The following TRIM44 variants were observed in gnomAD, a reference collection of about 807,000 sequenced individuals.
The protein encoded by TRIM44 is tripartite motif containing 44, also known as tripartite motif-containing protein 44.
TRIM44 carries 13 observed loss-of-function variants against 37.4 expected under a neutral mutation model. That is an observed-to-expected ratio of 0.35 (90% CI 0.23 to 0.55). The LOEUF is 0.55. TRIM44 is among the 20% of genes least tolerant of loss of function. The pLI is 0.89. For missense variants in TRIM44, 426 were observed against 437.2 expected (o/e 0.97, Z 0.23); for synonymous variants, 175 against 157.2 (o/e 1.11, Z -0.85).
chr11:35,666,518 C>T (rs957635252), intron 1 of TRIM44, among the ~76,000 whole-genome samples: 3 of 152,070 alleles, frequency 2.0e-5, no homozygotes, highest in African/African-American at 4.8e-5. Context: ...TTTATTGCTT[C>T]GCAGTTAAGT....
Position 35,771,868 on chromosome 11 carries a change from T to A in TRIM44, c.1008-34490T>A, listed in dbSNP as rs956391876. Among the ~76,000 whole-genome samples, 9 of 152,212 alleles carry A rather than the reference T, an allele frequency of 5.9e-5. 1 individual carries two copies. Among genetic ancestry groups the A allele is most frequent in the African/African-American group, 2.2e-4 (9 of 41,540 alleles). On this transcript the variant is annotated intron_variant, in intron 4 of 4. Transcript: ENST00000299413. The stretch of plus-strand genomic sequence containing the variant: ...TTCAAGCCGTCTGCATAAATTTGCA[T>A]AAGGGGAGCCGAATGTTAATCCCCA...
chr11:35,781,893 G>C (rs1248932408), intron 4 of TRIM44, among the ~76,000 whole-genome samples: 2 of 152,192 alleles, frequency 1.3e-5, no homozygotes, highest in African/African-American at 4.8e-5. Flanking sequence ...AAAGCTGTTT[G>C]TAGTGTTTTA....
intron 1 of TRIM44, among the ~76,000 whole-genome samples, chr11:35,665,515 T>C (rs186025721): frequency 6.6e-6 from 1 of 152,058 alleles, no homozygotes; most frequent in East Asian, 1.9e-4. Flanking sequence ...CTCTGTGAAG[T>C]ACCTAGTCAG....
chr11:35,759,162 C>T (rs1398770928), intron 4 of TRIM44, among the ~76,000 whole-genome samples: 2 of 152,206 alleles, frequency 1.3e-5, no homozygotes, highest in African/African-American at 2.4e-5. Context: ...TTGGTCTTTT[C>T]ACATAGTCCC....
chr11:35,663,893 T>TAGC (rs1565400133), intron 1 of TRIM44, 113 bp downstream of exon 1: 28 of 1,295,044 alleles, frequency 2.2e-5, no homozygotes, highest in Non-Finnish European at 2.9e-5. Context: ...GAAGCTAGTC[T>TAGC]TTCCAACTTT....
In TRIM44 at chr11:35,663,650, C is replaced by T. The variant is rs777380256; in HGVS notation, c.539C>T (p.Pro180Leu). ...GAGAGAGTGGCCAAGAGGAAGTGTCCGGACCATGGGCTTGATTTGAGTACC... is the reference window on the plus strand; with the variant it reads ...GAGAGAGTGGCCAAGAGGAAGTGTCTGGACCATGGGCTTGATTTGAGTACC... ...EAERVAKRKC[P>L]DHGLDLSTYC... The change falls in exon 1 of 5, where the codon CCG becomes CTG. Residue 180 changes from proline (P) to leucine (L), a missense_variant. Transcript: ENST00000299413. 4.3e-6 allele frequency: 7 copies of T among 1,613,994 alleles called. No homozygotes were observed. Among genetic ancestry groups the T allele is most frequent in the African/African-American group, 1.3e-5 (1 of 74,898 alleles).
At chr11:35,791,841 A>C (rs1853215790) in intron 4 of TRIM44, among the ~76,000 whole-genome samples, 1 of 152,136 alleles carries the variant, frequency 6.6e-6, no homozygotes, top group Admixed American at 6.5e-5. Flanking sequence ...AATGGTAGAG[A>C]TATCTGATAC....
chr11:35,709,139 A>T (rs1329792228), intron 2 of TRIM44, among the ~76,000 whole-genome samples: 3 of 152,150 alleles, frequency 2.0e-5, no homozygotes, highest in Non-Finnish European at 2.9e-5. Context: ...AAGCTGAAAG[A>T]TTAGCAGATT....
chr11:35,697,980 G>A (rs544190642), intron 2 of TRIM44, among the ~76,000 whole-genome samples: 2 of 151,436 alleles, frequency 1.3e-5, no homozygotes, highest in African/African-American at 2.4e-5. Flanking sequence ...GTAATGGGAT[G>A]GCTGGGTCAA....
chr11:35,771,757 T>C (rs1852875206), intron 4 of TRIM44, among the ~76,000 whole-genome samples: 1 of 151,668 alleles, frequency 6.6e-6, no homozygotes, highest in African/African-American at 2.4e-5. Context: ...CATTTAGTTT[T>C]AAAAGGCAAA....
At chr11:35,805,972 T>A (rs2133886008) in intron 4 of TRIM44, among the ~76,000 whole-genome samples, 1 of 152,286 alleles carries the variant, frequency 6.6e-6, no homozygotes, top group East Asian at 1.9e-4. Context: ...GTAGATGGCT[T>A]AAGGCTTAGA....
At chr11:35,718,198 T>G (rs1040015149) in intron 2 of TRIM44, among the ~76,000 whole-genome samples, 1 of 152,166 alleles carries the variant, frequency 6.6e-6, no homozygotes, top group African/African-American at 2.4e-5. Flanking sequence ...TTAAAGGTAT[T>G]AAATGGGAAG....
At chr11:35,709,229 T>C (rs1400538825) in intron 2 of TRIM44, among the ~76,000 whole-genome samples, 1 of 152,208 alleles carries the variant, frequency 6.6e-6, no homozygotes, top group Non-Finnish European at 1.5e-5. Flanking sequence ...AAGTTACCTT[T>C]AGTAAGATTT....
chr11:35,737,506 ACT>A (rs1272024525), intron 4 of TRIM44, among the ~76,000 whole-genome samples: 1 of 151,390 alleles, frequency 6.6e-6, no homozygotes, highest in East Asian at 1.9e-4. Context: ...ACATTATAAG[ACT>A]CTGTCTCTAA....
At chr11:35,762,493 G>A (rs1852742900) in intron 4 of TRIM44, among the ~76,000 whole-genome samples, 2 of 152,260 alleles carry the variant, frequency 1.3e-5, no homozygotes, top group South Asian at 2.1e-4. Flanking sequence ...GGTACAGTCG[G>A]TCAGGGAATA....
chr11:35,737,257 G>T (rs1852338062), intron 4 of TRIM44, among the ~76,000 whole-genome samples: 1 of 152,114 alleles, frequency 6.6e-6, no homozygotes, highest in South Asian at 2.1e-4. Flanking sequence ...CCTTCTTAAG[G>T]CATTTAAGCG....
chr11:35,758,682 T>C (rs1282800909), intron 4 of TRIM44, among the ~76,000 whole-genome samples: 1 of 152,172 alleles, frequency 6.6e-6, no homozygotes, highest in Non-Finnish European at 1.5e-5. Flanking sequence ...GGAGCTCTTT[T>C]AGGGCAGGCT....
At chr11:35,701,901 G>A (rs1007444397) in intron 2 of TRIM44, among the ~76,000 whole-genome samples, 1 of 152,186 alleles carries the variant, frequency 6.6e-6, no homozygotes. Context: ...TTACCATTTT[G>A]CTGGCAGGCC....
intron 2 of TRIM44, among the ~76,000 whole-genome samples, chr11:35,716,087 A>G (rs937681159): frequency 1.3e-5 from 2 of 152,224 alleles, no homozygotes; most frequent in African/African-American, 4.8e-5. Context: ...AGTCAAAGCT[A>G]TAAGCCAAGA....
Sources: allele counts gnomAD v4.1 joint callset (sites outside exome capture counted in the v4.1 genomes callset), GRCh38; gene constraint gnomAD v4.1.1; transcripts MANE v1.5; gene names NCBI Gene and HGNC (gene_info 2026-07-23, HGNC 2026-07-21).